PRKACB: variants seen among roughly 807,000 people sequenced by gnomAD.
PRKACB encodes protein kinase cAMP-activated catalytic subunit beta.
A neutral mutation model predicts 51.4 loss-of-function variants in PRKACB; 16 were observed. The ratio of observed to expected loss-of-function variants is 0.31; its 90% CI spans 0.21 to 0.47. PRKACB has a LOEUF of 0.47. PRKACB is among the 20% of genes least tolerant of loss of function. The pLI is 1.00. For synonymous variants in PRKACB, 147 were observed against 154.4 expected (o/e 0.95, Z 0.35); for missense variants, 309 against 464.5 (o/e 0.67, Z 3.08).
chr1:84,213,166 A>T (rs1672381845), intron 8 of PRKACB, among the ~76,000 whole-genome samples: 1 of 152,148 alleles, frequency 6.6e-6, no homozygotes, highest in Non-Finnish European at 1.5e-5. Flanking sequence ...ATACACATAC[A>T]TGTGTGCATA....
chr1:84,130,896 C>G (rs1441208384), intron 1 of PRKACB, among the ~76,000 whole-genome samples: 4 of 152,004 alleles, frequency 2.6e-5, no homozygotes, highest in African/African-American at 9.7e-5. Context: ...GTTTTTTCTC[C>G]TCTTAAGTTC....
intron 4 of PRKACB, 33 bp from the exon 5 acceptor site, chr1:84,185,067 G>A (rs779757088): frequency 7.7e-7 from 1 of 1,303,782 alleles, no homozygotes; most frequent in East Asian, 2.7e-5. Flanking sequence ...GACCTAAGTT[G>A]AATAATTGTA....
chr1:84,161,384 A>G (rs896009833), intron 1 of PRKACB, among the ~76,000 whole-genome samples: 9 of 151,748 alleles, frequency 5.9e-5, no homozygotes, highest in Non-Finnish European at 8.8e-5. Flanking sequence ...TATAGATGTT[A>G]TATAGTTTGA....
At chr1:84,109,861 C>A (rs1650073376) in intron 1 of PRKACB, among the ~76,000 whole-genome samples, 1 of 151,514 alleles carries the variant, frequency 6.6e-6, no homozygotes, top group African/African-American at 2.4e-5. Flanking sequence ...TATCTTAGAC[C>A]CTTTTATTAA....
intron 1 of PRKACB, among the ~76,000 whole-genome samples, chr1:84,126,909 AT>A (rs1170846725): frequency 6.6e-6 from 1 of 152,218 alleles, no homozygotes; most frequent in Non-Finnish European, 1.5e-5. Context: ...CAGTTCAGGT[AT>A]CCATCATCTC....
At chr1:84,163,967 A>G (rs1257050288) in intron 1 of PRKACB, among the ~76,000 whole-genome samples, 2 of 151,914 alleles carry the variant, frequency 1.3e-5, no homozygotes, top group African/African-American at 4.8e-5. Flanking sequence ...TTGCTATACA[A>G]TCTGTCATCT....
At chr1:84,146,504 C>A (rs111504412) in intron 1 of PRKACB, among the ~76,000 whole-genome samples, 1 of 151,786 alleles carries the variant, frequency 6.6e-6, no homozygotes, top group South Asian at 2.1e-4. Context: ...ATTTATTTGG[C>A]GAATGAGTTA....
At chr1:84,164,779 G>T (rs538399514) in intron 1 of PRKACB, 2 of 1,377,464 alleles carry the variant, frequency 1.5e-6, no homozygotes, top group Non-Finnish European at 1.9e-6. Context: ...GACATCTTTG[G>T]CATTAATCTG....
chr1:84,185,788 C>T (rs927513923), intron 5 of PRKACB, among the ~76,000 whole-genome samples: 1 of 151,850 alleles, frequency 6.6e-6, no homozygotes, highest in Non-Finnish European at 1.5e-5. Flanking sequence ...AAGCTTCTAC[C>T]GTTCATTAAT....
intron 1 of PRKACB, 88 bp downstream of exon 1, chr1:84,144,636 T>A: frequency 7.4e-7 from 1 of 1,342,540 alleles, no homozygotes; most frequent in Non-Finnish European, 1.0e-6. Flanking sequence ...AACCCTCTTT[T>A]GTTTGTTGTT....
At chr1:84,102,463 T>C (rs1649425845) in intron 1 of PRKACB, among the ~76,000 whole-genome samples, 1 of 152,084 alleles carries the variant, frequency 6.6e-6, no homozygotes, top group African/African-American at 2.4e-5. Context: ...AATTAGACAG[T>C]TGGGGTTTTT....
chr1:84,179,477 T>C (rs1359296127), intron 2 of PRKACB, among the ~76,000 whole-genome samples: 1 of 151,862 alleles, frequency 6.6e-6, no homozygotes, highest in Non-Finnish European at 1.5e-5. Context: ...TTGATACTGA[T>C]TCCAGTTGCT....
chr1:84,200,848 T>C (rs1669892864), intron 7 of PRKACB, among the ~76,000 whole-genome samples: 1 of 152,162 alleles, frequency 6.6e-6, no homozygotes, highest in Non-Finnish European at 1.5e-5. Flanking sequence ...TAAATATATA[T>C]AGTCTTGTCT....
At chr1:84,234,893 G>A (rs1676487739) in intron 9 of PRKACB, among the ~76,000 whole-genome samples, 1 of 152,192 alleles carries the variant, frequency 6.6e-6, no homozygotes, top group South Asian at 2.1e-4. Context: ...CTCACGCTGG[G>A]AGCTGTAGAC....
chr1:84,117,855 A>G (rs564093725), intron 1 of PRKACB, among the ~76,000 whole-genome samples: 3 of 151,742 alleles, frequency 2.0e-5, no homozygotes, highest in East Asian at 3.9e-4. Context: ...TTGCTTTTCT[A>G]TTTTCTTGAA....
chr1:84,220,958 A>G (rs1389852466), intron 9 of PRKACB, among the ~76,000 whole-genome samples: 3 of 152,272 alleles, frequency 2.0e-5, no homozygotes, highest in Non-Finnish European at 4.4e-5. Context: ...GCCTCGTAGA[A>G]TAAGTTAGGA....
chr1:84,158,799 G>A (rs143207384), intron 1 of PRKACB, among the ~76,000 whole-genome samples: 7 of 152,082 alleles, frequency 4.6e-5, no homozygotes, highest in African/African-American at 1.7e-4. Context: ...TCTATTTTTT[G>A]AGTTAATTTT....
chr1:84,181,174 A>G (rs1170005527), intron 2 of PRKACB, among the ~76,000 whole-genome samples: 1 of 151,990 alleles, frequency 6.6e-6, no homozygotes, highest in Admixed American at 6.6e-5. Context: ...GCAAGGTTTG[A>G]TTTGCAATAC....
intron 8 of PRKACB, among the ~76,000 whole-genome samples, chr1:84,203,745 T>C (rs1670790054): frequency 1.3e-5 from 2 of 151,994 alleles, no homozygotes; most frequent in African/African-American, 4.8e-5. Context: ...GATCAGGAAA[T>C]AGAGCATCAA....
Sources: allele counts gnomAD v4.1 joint callset (sites outside exome capture counted in the v4.1 genomes callset), GRCh38; gene constraint gnomAD v4.1.1; transcripts MANE v1.5; gene names NCBI Gene and HGNC (gene_info 2026-07-23, HGNC 2026-07-21).